Variants in ASPRV1 observed in about 807,000 individuals in gnomAD.
ASPRV1 encodes retroviral-like aspartic protease 1.
ASPRV1 carries 7 observed loss-of-function variants against 11.0 expected under a neutral mutation model. The ratio of observed to expected loss-of-function variants is 0.64; its 90% CI spans 0.36 to 1.20. The LOEUF (loss-of-function observed/expected upper bound fraction) is 1.20, where lower values mean the gene tolerates loss of function less well. ASPRV1 is among the 50% of genes most tolerant of loss of function. ASPRV1 has a pLI of 0.02. For missense variants in ASPRV1, 299 were observed against 320.0 expected, an observed-to-expected ratio of 0.93 and a Z score of 0.50; for synonymous variants, 136 against 138.4, an observed-to-expected ratio of 0.98 and a Z score of 0.12.
the ASPRV1 span, chr2:69,938,578 TC>T: frequency 1.5e-4 from 44 of 296,200 alleles, no homozygotes; most frequent in Non-Finnish European, 2.4e-4. Context: ...ATCTCAGCAA[TC>T]CCCCTCTTTG....
the ASPRV1 span, among the ~76,000 whole-genome samples, chr2:70,084,233 G>A: frequency 6.6e-6 from 1 of 152,186 alleles, no homozygotes; most frequent in Non-Finnish European, 1.5e-5. Context: ...CTAGAGAAAA[G>A]AAATAAGTTA....
At chr2:70,048,169 A>G in the ASPRV1 span, among the ~76,000 whole-genome samples, 2 of 149,356 alleles carry the variant, frequency 1.3e-5, no homozygotes, top group African/African-American at 4.9e-5. Context: ...TAATCCCAGC[A>G]TTTTGGGAGG....
the ASPRV1 span, among the ~76,000 whole-genome samples, chr2:70,036,426 T>C: frequency 2.0e-5 from 3 of 151,196 alleles, no homozygotes; most frequent in Admixed American, 6.6e-5. Flanking sequence ...AGGTAGCAAC[T>C]AGCGTGGGCG....
the ASPRV1 span, among the ~76,000 whole-genome samples, chr2:70,004,528 CAAAAA>C: frequency 7.3e-5 from 4 of 54,640 alleles, no homozygotes; most frequent in African/African-American, 2.5e-4. Context: ...AACTCCATCT[CAAAAA>C]AAAAAAAAAA....
the ASPRV1 span, chr2:70,030,375 T>G: frequency 1.3e-5 from 2 of 152,210 alleles, no homozygotes; most frequent in Non-Finnish European, 2.9e-5. Flanking sequence ...CGGGCCACCT[T>G]TTACTGCTTT....
At chr2:70,009,432 C>T in the ASPRV1 span, among the ~76,000 whole-genome samples, 15 of 152,164 alleles carry the variant, frequency 9.9e-5, no homozygotes, top group Non-Finnish European at 1.6e-4. Flanking sequence ...TGGGTTCAAG[C>T]GATTCTCCTG....
chr2:70,041,676 G>C, the ASPRV1 span, among the ~76,000 whole-genome samples: 5 of 152,152 alleles, frequency 3.3e-5, no homozygotes. Flanking sequence ...TAGAAGGAAG[G>C]GTGCTCAGGA....
At chr2:70,024,088 TA>T in the ASPRV1 span, among the ~76,000 whole-genome samples, 18,303 of 123,858 alleles carry the variant, frequency 0.15, 1,570 homozygotes, top group South Asian at 0.27. Context: ...CCGTCACTAT[TA>T]AAAAAAAAAA....
At chr2:69,938,104 CGACGTTGACGTG>C in the ASPRV1 span, 2 of 1,613,768 alleles carry the variant, frequency 1.2e-6, no homozygotes, top group East Asian at 4.5e-5. Flanking sequence ...CAGAAGAAAT[CGACGTTGACGTG>C]GAGAGCACGG....
chr2:70,061,574 TG>T, the ASPRV1 span, among the ~76,000 whole-genome samples: 7 of 152,168 alleles, frequency 4.6e-5, no homozygotes, highest in South Asian at 1.5e-3. Flanking sequence ...AGAAGGGGCC[TG>T]GGATGAGACT....
chr2:70,059,540 G>GA, the ASPRV1 span: 1 of 152,284 alleles, frequency 6.6e-6, no homozygotes, highest in African/African-American at 2.4e-5. Context: ...GGACAAAGGG[G>GA]AGGGAATGGT....
the ASPRV1 span, among the ~76,000 whole-genome samples, chr2:69,945,707 A>T: frequency 6.6e-6 from 1 of 152,230 alleles, no homozygotes; most frequent in Non-Finnish European, 1.5e-5. Context: ...GTAATGGGAC[A>T]GGCGAACCAT....
At chr2:69,938,023 A>T in the ASPRV1 span, 1 of 1,448,322 alleles carries the variant, frequency 6.9e-7, no homozygotes, top group South Asian at 1.3e-5. Flanking sequence ...CTGGGATTAC[A>T]AGCATGAGCC....
chr2:70,056,121 T>C, the ASPRV1 span: 10 of 152,224 alleles, frequency 6.6e-5, no homozygotes, highest in African/African-American at 2.4e-4. Flanking sequence ...ACTCTATTTA[T>C]ATGAGGTAGT....
the ASPRV1 span, among the ~76,000 whole-genome samples, chr2:69,936,385 G>A: frequency 5.3e-4 from 80 of 152,210 alleles, no homozygotes; most frequent in Middle Eastern, 0.014. Flanking sequence ...GCACCTCCTA[G>A]GGTATCGGGC....
chr2:69,951,703 T>A, the ASPRV1 span, among the ~76,000 whole-genome samples: 1 of 152,040 alleles, frequency 6.6e-6, no homozygotes, highest in South Asian at 2.1e-4. Flanking sequence ...ATTTGAACCA[T>A]GAAAGAATAA....
chr2:69,932,719 A>G, the ASPRV1 span, among the ~76,000 whole-genome samples: 1 of 152,230 alleles, frequency 6.6e-6, no homozygotes, highest in Non-Finnish European at 1.5e-5. Context: ...GCTAGAAATG[A>G]CAATGCATCA....
the ASPRV1 span, among the ~76,000 whole-genome samples, chr2:70,016,961 T>C: frequency 1.3e-5 from 2 of 152,082 alleles, no homozygotes; most frequent in Non-Finnish European, 2.9e-5. Context: ...ATACACCACA[T>C]TAACAGGAGG....
At chr2:69,957,683 G>A (rs1209678672), downstream of ASPRV1, among the ~76,000 whole-genome samples, 1 of 151,958 alleles carries the variant, frequency 6.6e-6, no homozygotes, top group Non-Finnish European at 1.5e-5. Flanking sequence ...GCTCGCAGGT[G>A]ATGCTGATGC....
Sources: allele counts gnomAD v4.1 joint callset (sites outside exome capture counted in the v4.1 genomes callset), GRCh38; gene constraint gnomAD v4.1.1; transcripts MANE v1.5; gene names NCBI Gene and HGNC (gene_info 2026-07-23, HGNC 2026-07-21).